The following TTLL7 variants were observed in gnomAD, a reference collection of about 807,000 sequenced individuals.
TTLL7 encodes the protein tubulin tyrosine ligase like 7, also known as tubulin polyglutamylase TTLL7.
A neutral mutation model predicts 120.2 loss-of-function variants in TTLL7; 53 were observed. The observed-to-expected ratio is 0.44, with a 90% CI of 0.35 to 0.55. TTLL7 has a LOEUF of 0.55. Ranked by LOEUF, TTLL7 falls within the 20% of genes least tolerant of loss-of-function variation. TTLL7 has a pLI of 0.00. For synonymous variants in TTLL7, 353 were observed against 351.7 expected (o/e 1.00, Z -0.04); for missense variants, 803 against 1,054.7 (o/e 0.76, Z 3.31).
rs959936478 is a variant in TTLL7, at chr1:83,919,629, G to C, written c.1500+70C>G. 1.0e-4 allele frequency: 141 copies of C among 1,372,052 alleles called. 1 individual carries two copies. The Middle Eastern group carries it at 3.5e-3, about 34-fold the overall frequency. The allele number at this position is 1,372,052 out of a possible 1,614,324, so 85.0% of individuals were successfully genotyped here. A position where few individuals can be genotyped will look rare whatever the true frequency, so the allele number is the denominator to read the frequency against. On this transcript the variant is annotated intron_variant, in intron 13 of 20. Transcript: ENST00000260505. ...AAATGTTTTTATATGTCGGACCAAG[G>C]TGGCTTGTCTGTAAAGACATATTGT...
chr1:83,931,874 T>A (rs1463703059), intron 9 of TTLL7, among the ~76,000 whole-genome samples: 2 of 152,150 alleles, frequency 1.3e-5, no homozygotes, highest in African/African-American at 4.8e-5. Flanking sequence ...GCCAAAAGGT[T>A]TTTAACAATG....
intron 1 of TTLL7, among the ~76,000 whole-genome samples, chr1:83,983,411 A>G (rs1557800646): frequency 1.3e-5 from 2 of 152,236 alleles, no homozygotes; most frequent in Admixed American, 1.3e-4. Flanking sequence ...GGCTAGCCAC[A>G]TGCAGAAGCA....
At chr1:83,906,600 T>C in intron 16 of TTLL7, 137 bp from the exon 17 acceptor site, 1 of 1,281,612 alleles carries the variant, frequency 7.8e-7, no homozygotes, top group Non-Finnish European at 1.1e-6. Flanking sequence ...AAAATTTTCT[T>C]TTACACTTGT....
In TTLL7 at chr1:83,865,072, T is replaced by C. The variant is rs536489618; in HGVS notation, c.*4890A>G. ...TTATTATAGTAATGTATCAGAGTAA[T>C]TGAAATAACTTCACCATACAGATAT... On this transcript the variant is annotated 3_prime_UTR_variant, in exon 21 of 21. Transcript: ENST00000260505. 2.0e-5 allele frequency: 3 copies of C among 151,854 alleles called. No homozygotes were observed. In the South Asian group the frequency reaches 6.2e-4, roughly 31 times the overall value. 9.4% of individuals were successfully genotyped at this position (151,854 alleles called of 1,614,324 possible). A position where few individuals can be genotyped will look rare whatever the true frequency, so the allele number is the denominator to read the frequency against.
chr1:83,942,627 C>T lies in TTLL7; in HGVS notation c.559G>A (p.Val187Ile), dbSNP rs1648084282. 9.3e-6 allele frequency: 15 copies of T among 1,613,836 alleles called. No individual in the cohort carries two copies. The highest frequency in any genetic ancestry group is 1.2e-5 in the Non-Finnish European group (14 of 1,179,846). The change falls in exon 7 of 21, where the codon GTT becomes ATT. Residue 187 changes from valine (V) to isoleucine (I), a missense_variant. Around this residue, in one of 3 missense-constraint regions of TTLL7, gnomAD observed 324 missense variants for 507.7 expected, o/e 0.64. Coordinates refer to ENST00000260505, the MANE Select transcript of TTLL7 (RefSeq NM_024686.6). ...AAAGGCTTTTCAATGTATTCTTGAACAATCAAATGATCCTGAGATGGAAGT... is the reference window on the plus strand; with the variant it reads ...AAAGGCTTTTCAATGTATTCTTGAATAATCAAATGATCCTGAGATGGAAGT... ...DKLPSQDHLI[V>I]QEYIEKPFLM...
intron 13 of TTLL7, among the ~76,000 whole-genome samples, chr1:83,917,911 T>TTTTGG (rs1273652723): frequency 6.6e-6 from 1 of 152,152 alleles, no homozygotes; most frequent in African/African-American, 2.4e-5. Context: ...ATCTATTCTG[T>TTTTGG]ATTAATTATC....
At chr1:83,931,009 T>C (rs1659556055) in intron 9 of TTLL7, among the ~76,000 whole-genome samples, 1 of 151,306 alleles carries the variant, frequency 6.6e-6, no homozygotes, top group Admixed American at 6.6e-5. Context: ...CTTGTTTTTT[T>C]TTTTTTAAGT....
Position 83,947,183 on chromosome 1 carries a change from C to T in TTLL7, c.447G>A (p.Lys149=), listed in dbSNP as rs777581815. 1 of 1,612,742 alleles carries T rather than the reference C, an allele frequency of 6.2e-7. No individual in the cohort carries two copies. The highest frequency in any genetic ancestry group is 8.5e-7 in the Non-Finnish European group (1 of 1,179,504). Residue 149 remains lysine, a synonymous_variant, in exon 6 of 21, where the codon AAG becomes AAA. Transcript: ENST00000260505. ...TQFQNYVKEL[K]KKRKQKTFIV... is the part of the protein sequence containing the mutation. The stretch of plus-strand genomic sequence containing the variant: ...TAAAAGTTTTCTGCTTCCGTTTTTT[C>T]TTCAATTCTTTCACATAATTTTGGA...
chr1:83,879,559 A>G (rs1571028310), intron 20 of TTLL7, among the ~76,000 whole-genome samples: 1 of 151,952 alleles, frequency 6.6e-6, no homozygotes, highest in Non-Finnish European at 1.5e-5. Context: ...GACTGGATGG[A>G]TAAGTTGAAT....
At chr1:83,939,524 C>T (rs1275023171) in intron 7 of TTLL7, among the ~76,000 whole-genome samples, 3 of 152,152 alleles carry the variant, frequency 2.0e-5, no homozygotes, top group African/African-American at 7.2e-5. Flanking sequence ...CAGTTCACTG[C>T]CAGTTAGTCA....
intron 20 of TTLL7, chr1:83,882,604 G>A (rs1021543275): frequency 1.2e-5 from 2 of 169,524 alleles, no homozygotes; most frequent in South Asian, 3.1e-4. Context: ...CTTCCCAACT[G>A]TATAGTAGGC....
At position 83,910,196 on chromosome 1, in the gene TTLL7, CG is replaced by C. The variant is rs1483750022; in HGVS notation, c.1786+968del. Among the ~76,000 whole-genome samples the C allele has an allele frequency of 4.6e-5, 7 of 152,140 alleles. No homozygotes were observed. The East Asian group carries it at 9.7e-4, about 21-fold the overall frequency. The stretch of plus-strand genomic sequence containing the variant: ...GTTCTTTATTCCTCATGCATTTTGC[CG>C]TAAGTGTTTAAGGCCAGTTTTAAAA... On this transcript the variant is annotated intron_variant, in intron 15 of 20. Coordinates refer to ENST00000260505, the MANE Select transcript of TTLL7 (RefSeq NM_024686.6).
rs973363998 is a variant in TTLL7 at position 83,958,922 on chromosome 1, C to A, written c.-176-6535G>T. On this transcript the variant is annotated intron_variant, in intron 1 of 20. Coordinates refer to ENST00000260505, the MANE Select transcript of TTLL7 (RefSeq NM_024686.6). ...CTCCTAGGTATGCTGGTTCACAGAC[C>A]ACACTTTGAGTAGCAAGGCTCTGGA... Among the ~76,000 whole-genome samples the A allele has an allele frequency of 2.0e-5, 3 of 152,218 alleles. 1 individual carries two copies. The highest frequency in any genetic ancestry group is 2.0e-4 in the Admixed American group (3 of 15,272).
Position 83,951,970 on chromosome 1 carries a change from T to G in TTLL7, c.32A>C (p.Gln11Pro), listed in dbSNP as rs150773106. 2.6e-5 allele frequency: 42 copies of G among 1,600,818 alleles called. No homozygotes were observed. Among genetic ancestry groups the G allele is most frequent in the Non-Finnish European group, 3.3e-5 (39 of 1,176,536 alleles). ...ATTCAAATCCAGGGGAGAGGGTCCC[T>G]GAATAACTTTAAAAAAATGTAAAAT... MPSLPQEGVI[Q>P]GPSPLDLNTE... is the part of the protein sequence containing the mutation. The change falls in exon 3 of 21, where the codon CAG (glutamine) becomes CCG (proline). Residue 11 changes from glutamine to proline, a missense_variant. Around this residue, in one of 3 missense-constraint regions of TTLL7, gnomAD observed 91 missense variants for 96.6 expected, o/e 0.94. Transcript: ENST00000260505.
intron 19 of TTLL7, chr1:83,885,062 A>G: frequency 3.4e-6 from 1 of 289,942 alleles, no homozygotes; most frequent in Non-Finnish European, 5.2e-6. Context: ...AGATAGAGAT[A>G]TAAATCTACT....
chr1:83,926,014 G>A (rs750838552), intron 10 of TTLL7, among the ~76,000 whole-genome samples: 105 of 151,638 alleles, frequency 6.9e-4, no homozygotes, highest in Non-Finnish European at 1.3e-3. Context: ...CCAGCTACTC[G>A]GGAGGCTGAG....
chr1:83,945,031 A>G, intron 6 of TTLL7, among the ~76,000 whole-genome samples: 1 of 152,224 alleles, frequency 6.6e-6, no homozygotes, highest in Non-Finnish European at 1.5e-5. Context: ...CAAGGGAATT[A>G]AAATGGTACA....
intron 9 of TTLL7, among the ~76,000 whole-genome samples, chr1:83,932,965 G>T (rs541960003): frequency 1.3e-5 from 2 of 152,246 alleles, no homozygotes; most frequent in Non-Finnish European, 2.9e-5. Flanking sequence ...ATTGTCAACA[G>T]AGATAATTTT....
At chr1:83,953,811 T>C (rs1649280519) in intron 1 of TTLL7, among the ~76,000 whole-genome samples, 1 of 152,146 alleles carries the variant, frequency 6.6e-6, no homozygotes, top group South Asian at 2.1e-4. Flanking sequence ...TCAGACCCCA[T>C]GCTAACATAA....
Sources: gnomAD v4.1 joint callset for allele counts (sites outside exome capture counted in the v4.1 genomes callset) on GRCh38, gnomAD v4.1.1 for gene constraint, gnomAD v4.1.1 regional missense constraint, MANE v1.5 for transcripts, NCBI Gene and HGNC (gene_info 2026-07-23, HGNC 2026-07-21) for gene names.